STARD10: variants seen among roughly 807,000 people sequenced by gnomAD.
STARD10 encodes the protein START domain-containing protein 10.
STARD10 carries 24 observed loss-of-function variants against 36.0 expected under a neutral mutation model. That is an observed-to-expected ratio of 0.67 (90% CI 0.48 to 0.94). The LOEUF is 0.94. STARD10 is among the 40% of genes least tolerant of loss of function. STARD10 has a pLI of 0.00. For synonymous variants in STARD10, 156 were observed against 161.9 expected, an observed-to-expected ratio of 0.96 and a Z score of 0.28; for missense variants, 335 against 396.6, an observed-to-expected ratio of 0.84 and a Z score of 1.32.
chr11:72,762,066 T>C (rs977244508), intron 2 of STARD10, among the ~76,000 whole-genome samples: 29 of 151,554 alleles, frequency 1.9e-4, no homozygotes, highest in African/African-American at 6.3e-4. Context: ...GCTGGGATTA[T>C]AGGCACCCAC....
At chr11:72,764,683 TA>T (rs1858762817) in intron 2 of STARD10, among the ~76,000 whole-genome samples, 1 of 152,202 alleles carries the variant, frequency 6.6e-6, no homozygotes, top group Non-Finnish European at 1.5e-5. Flanking sequence ...GGTGTAATTC[TA>T]AGAGGCTTGG....
chr11:72,784,793 G>C (rs952285783), intron 1 of STARD10, among the ~76,000 whole-genome samples: 2 of 152,220 alleles, frequency 1.3e-5, no homozygotes, highest in African/African-American at 4.8e-5. Flanking sequence ...CGGAGCAGGA[G>C]CCAGAGTGGG....
chr11:72,754,984 G>C lies in STARD10; in HGVS notation c.789C>G (p.Ile263Met). 1.2e-6 allele frequency: 2 copies of C among 1,612,200 alleles called. No individual in the cohort carries two copies. Among genetic ancestry groups the C allele is most frequent in the Non-Finnish European group, 1.7e-6 (2 of 1,179,642 alleles). The part of the protein sequence containing the change: ...SVQHADSLEN[I>M]DESAVAESRE... ...TGCTCTCGGCCACCGCGCTCTCGTC[G>C]ATGTTCTCCAGTGAGTCCGCATGCT... Residue 263 changes from isoleucine to methionine, a missense_variant, in exon 7 of 7, where the codon ATC (isoleucine) becomes ATG (methionine). Physicochemically the swap from Ile to Met is conservative, Grantham distance 10. Coordinates refer to ENST00000334805, the MANE Select transcript of STARD10 (RefSeq NM_006645.3).
chr11:72,784,563 GT>G (rs1308406472), intron 1 of STARD10, among the ~76,000 whole-genome samples: 11 of 152,192 alleles, frequency 7.2e-5, no homozygotes, highest in Admixed American at 1.3e-4. Context: ...AAGTGTTAAG[GT>G]AACATCTTTA....
chr11:72,755,195 TCCACA>T, intron 6 of STARD10, 53 bp from the exon 7 acceptor site: 1 of 1,547,372 alleles, frequency 6.5e-7, no homozygotes, highest in South Asian at 1.2e-5. Flanking sequence ...GCAGGTCTTC[TCCACA>T]CCCCCCTCCA....
At chr11:72,790,074 T>C (rs1331845951) in intron 1 of STARD10, among the ~76,000 whole-genome samples, 1 of 152,200 alleles carries the variant, frequency 6.6e-6, no homozygotes, top group Non-Finnish European at 1.5e-5. Context: ...AGGAGAGCTC[T>C]CGGCCCCACT....
In STARD10 at chr11:72,793,916, G is replaced by A. The variant is rs1859183707; in HGVS notation, c.-1155C>T. The A allele has an allele frequency of 6.6e-6, 1 of 152,244 alleles. No individual in the cohort carries two copies. The highest frequency in any genetic ancestry group is 2.4e-5 in the African/African-American group (1 of 41,464). The allele number at this position is 152,244 out of a possible 1,614,324, so 9.4% of individuals were successfully genotyped here. On this transcript the variant is annotated 5_prime_UTR_variant, in exon 1 of 7. Transcript: ENST00000334805. Reference sequence around the variant, plus strand: ...TGAGACGTCTCCACAGCCCAACAACGGCGGCGATCTGAGGAGAGGCAGGAG... The same window carrying A: ...TGAGACGTCTCCACAGCCCAACAACAGCGGCGATCTGAGGAGAGGCAGGAG...
rs1337275011 is a variant in STARD10, at chr11:72,780,946, G to A, written c.207+29C>T. On this transcript the variant is annotated intron_variant, in intron 2 of 6. Transcript: ENST00000334805. Reference sequence around the variant, plus strand: ...GGAGAGAGGCAGTAAGGGTGCAGTGGAGGCTGCAGGTATAGCGGGCAACCC... The same window carrying A: ...GGAGAGAGGCAGTAAGGGTGCAGTGAAGGCTGCAGGTATAGCGGGCAACCC... 5 of 1,604,886 alleles carry A rather than the reference G, an allele frequency of 3.1e-6. No individual in the cohort carries two copies. The South Asian group carries it at 4.4e-5, about 14-fold the overall frequency.
intron 2 of STARD10, among the ~76,000 whole-genome samples, chr11:72,769,722 A>G (rs1002545177): frequency 6.6e-6 from 1 of 152,228 alleles, no homozygotes; most frequent in Admixed American, 6.5e-5. Flanking sequence ...AAATAAGAAA[A>G]AAAGTTATGT....
intron 1 of STARD10, among the ~76,000 whole-genome samples, chr11:72,789,106 C>T (rs927436492): frequency 1.1e-4 from 16 of 152,324 alleles, no homozygotes; most frequent in African/African-American, 2.9e-4. Context: ...CTTGGCCTCC[C>T]AAAGTGCTGG....
chr11:72,788,229 C>T (rs1366530059), intron 1 of STARD10, among the ~76,000 whole-genome samples: 1 of 152,166 alleles, frequency 6.6e-6, no homozygotes, highest in East Asian at 1.9e-4. Context: ...CTTATCTGTC[C>T]GATGGCACTA....
intron 1 of STARD10, chr11:72,785,771 G>A (rs1200330170): frequency 2.0e-5 from 3 of 152,580 alleles, no homozygotes; most frequent in African/African-American, 4.8e-5. Context: ...ACAGTGAGGG[G>A]CCTGAAAGTC....
intron 6 of STARD10, chr11:72,755,404 A>G (rs57794067): frequency 0.027 from 15,214 of 553,556 alleles, 1,916 homozygotes; most frequent in African/African-American, 0.27. Flanking sequence ...TCTGCCTTCC[A>G]GGTTCAAGTG....
chr11:72,792,278 C>T (rs1208194489), intron 1 of STARD10, among the ~76,000 whole-genome samples: 4 of 151,844 alleles, frequency 2.6e-5, no homozygotes, highest in East Asian at 1.9e-4. Flanking sequence ...CTGATCTCAA[C>T]CCCCAACCTC....
chr11:72,761,924 T>C (rs1244682182), intron 2 of STARD10, among the ~76,000 whole-genome samples: 3 of 131,622 alleles, frequency 2.3e-5, no homozygotes, highest in Non-Finnish European at 4.9e-5. Context: ...TTTCTTTTTT[T>C]TTTTTTTTTT....
At position 72,781,671 on chromosome 11, in the gene STARD10, C is replaced by G. The variant is rs949210001; in HGVS notation, c.-113-377G>C. ...CCAGGCCGGGCTGCTCACCTTTGCC[C>G]GCCGCTCCGCCGGGGCCCGCCGGGG... is the stretch of plus-strand genomic sequence containing the variant. On this transcript the variant is annotated intron_variant, in intron 1 of 6. Coordinates refer to ENST00000334805, the MANE Select transcript of STARD10 (RefSeq NM_006645.3). The surrounding 1 kb of genome is among the most constrained non-coding windows in gnomAD (Gnocchi z 4.7). 6.8e-6 allele frequency: 1 copy of G among 148,050 alleles called. No homozygotes were observed. The highest frequency in any genetic ancestry group is 2.4e-5 in the African/African-American group (1 of 40,924). 9.2% of individuals were successfully genotyped at this position (148,050 alleles called of 1,614,324 possible).
chr11:72,760,927 A>G (rs1270934532), intron 2 of STARD10, among the ~76,000 whole-genome samples: 3 of 152,140 alleles, frequency 2.0e-5, no homozygotes, highest in Admixed American at 2.0e-4. Context: ...ACTGGCATTT[A>G]GACAGTGCCA....
At chr11:72,777,157 A>T (rs1334696822) in intron 2 of STARD10, among the ~76,000 whole-genome samples, 1 of 152,212 alleles carries the variant, frequency 6.6e-6, no homozygotes, top group African/African-American at 2.4e-5. Context: ...TCCTCTCTCC[A>T]CCAGGGTCTG....
At chr11:72,772,153 C>T (rs991913037) in intron 2 of STARD10, among the ~76,000 whole-genome samples, 19 of 152,106 alleles carry the variant, frequency 1.2e-4, no homozygotes, top group Admixed American at 2.6e-4. Flanking sequence ...CCATAGTGGG[C>T]ATGGTTCTCC....
Sources: gnomAD v4.1 joint callset for allele counts (sites outside exome capture counted in the v4.1 genomes callset) on GRCh38, gnomAD v4.1.1 for gene constraint, Gnocchi (gnomAD v3.1) non-coding constraint, MANE v1.5 for transcripts, NCBI Gene and HGNC (gene_info 2026-07-23, HGNC 2026-07-21) for gene names.